The following CDH12 variants were observed in gnomAD, a reference collection of about 807,000 sequenced individuals.
The protein encoded by CDH12 is cadherin 12, also known as cadherin-12.
CDH12 carries 41 observed loss-of-function variants against 74.1 expected under a neutral mutation model. The ratio of observed to expected loss-of-function variants is 0.55; its 90% CI spans 0.43 to 0.72. The LOEUF (loss-of-function observed/expected upper bound fraction) is 0.72. CDH12 is among the 30% of genes least tolerant of loss of function. The pLI, the probability that CDH12 is intolerant of heterozygous loss-of-function variation, is 0.00. For synonymous variants in CDH12, 399 were observed against 355.0 expected, an observed-to-expected ratio of 1.12 and a Z score of -1.39; for missense variants, 945 against 977.2, an observed-to-expected ratio of 0.97 and a Z score of 0.44.
intron 1 of CDH12, among the ~76,000 whole-genome samples, chr5:22,788,253 G>A (rs1314834138): frequency 1.3e-5 from 2 of 152,012 alleles, no homozygotes; most frequent in Non-Finnish European, 2.9e-5. Flanking sequence ...ATTCTTAAAA[G>A]CAGTTGTTAC....
intron 1 of CDH12, among the ~76,000 whole-genome samples, chr5:22,601,557 C>T (rs1736855118): frequency 6.6e-6 from 1 of 151,994 alleles, no homozygotes; most frequent in African/African-American, 2.4e-5. Context: ...CATCACAGAG[C>T]TTCAGTAACC....
intron 4 of CDH12, chr5:22,152,327 T>G (rs1161166415): frequency 6.6e-6 from 1 of 152,192 alleles, no homozygotes; most frequent in African/African-American, 2.4e-5. Flanking sequence ...TGCTGAACAT[T>G]AGACATAATT....
At chr5:22,834,264 T>C (rs1736731851) in intron 1 of CDH12, among the ~76,000 whole-genome samples, 1 of 152,134 alleles carries the variant, frequency 6.6e-6, no homozygotes, top group Non-Finnish European at 1.5e-5. Flanking sequence ...GCCAGGATGC[T>C]GATTTTCAAA....
At chr5:22,652,572 C>T (rs1380758174) in intron 1 of CDH12, among the ~76,000 whole-genome samples, 3 of 152,006 alleles carry the variant, frequency 2.0e-5, no homozygotes, top group South Asian at 2.1e-4. Context: ...TGGCCTTAAC[C>T]CCTAAATGCA....
chr5:22,100,197 T>TA lies in CDH12; in HGVS notation c.-186-21336dup, dbSNP rs1193339019. Among the ~76,000 whole-genome samples, 6 of 152,248 alleles carry TA rather than the reference T, an allele frequency of 3.9e-5. No individual in the cohort carries two copies. In the South Asian group the frequency reaches 6.2e-4, roughly 16 times the overall value. On this transcript the variant is annotated intron_variant, in intron 4 of 14. Coordinates refer to ENST00000382254, the MANE Select transcript of CDH12 (RefSeq NM_004061.5). Reference sequence around the variant, plus strand: ...AAGAAAATATTGTGTCTGTTTCAGATAAAAAAATACTTACTTATTAACCAG... The same window carrying TA: ...AAGAAAATATTGTGTCTGTTTCAGATAAAAAAAATACTTACTTATTAACCAG...
intron 3 of CDH12, among the ~76,000 whole-genome samples, chr5:22,390,591 T>TAGATAGAC (rs1259051850): frequency 7.0e-6 from 1 of 142,650 alleles, no homozygotes; most frequent in South Asian, 2.5e-4. Context: ...GATAGATAGA[T>TAGATAGAC]AGATAGATAG....
intron 4 of CDH12, among the ~76,000 whole-genome samples, chr5:22,093,582 G>A (rs1743564028): frequency 6.6e-6 from 1 of 152,118 alleles, no homozygotes; most frequent in Non-Finnish European, 1.5e-5. Flanking sequence ...AAAGACAGAG[G>A]GGAAATTAAT....
intron 9 of CDH12, among the ~76,000 whole-genome samples, chr5:21,809,166 C>A (rs547886297): frequency 7.2e-5 from 11 of 151,880 alleles, no homozygotes; most frequent in African/African-American, 2.7e-4. Flanking sequence ...GCAAAATTTT[C>A]GTAGTTTTAA....
At chr5:22,660,204 C>T (rs536968883) in intron 1 of CDH12, among the ~76,000 whole-genome samples, 1 of 152,296 alleles carries the variant, frequency 6.6e-6, no homozygotes, top group Admixed American at 6.5e-5. Context: ...TATATGCAAA[C>T]ACACATATGC....
At chr5:22,796,180 C>T (rs1263962155) in intron 1 of CDH12, among the ~76,000 whole-genome samples, 8 of 151,970 alleles carry the variant, frequency 5.3e-5, no homozygotes, top group East Asian at 1.9e-4. Flanking sequence ...TTTCGAATAC[C>T]GATTTCATTT....
intron 6 of CDH12, among the ~76,000 whole-genome samples, chr5:21,892,488 T>C (rs1045190744): frequency 7.9e-5 from 12 of 152,294 alleles, no homozygotes; most frequent in African/African-American, 2.9e-4. Context: ...AGTTAGTTAC[T>C]TAGGCCAGAG....
intron 5 of CDH12, among the ~76,000 whole-genome samples, chr5:21,980,633 C>T (rs1715764954): frequency 6.6e-6 from 1 of 151,970 alleles, no homozygotes; most frequent in Admixed American, 6.6e-5. Context: ...AATGAACTTA[C>T]TCGTTTATTT....
At chr5:22,458,070 G>A (rs1745357276) in intron 2 of CDH12, among the ~76,000 whole-genome samples, 1 of 151,866 alleles carries the variant, frequency 6.6e-6, no homozygotes, top group African/African-American at 2.4e-5. Context: ...AGTAGAGATG[G>A]GGTTTCACCA....
intron 4 of CDH12, among the ~76,000 whole-genome samples, chr5:22,162,723 T>A (rs1748431910): frequency 6.6e-6 from 1 of 152,118 alleles, no homozygotes; most frequent in South Asian, 2.1e-4. Context: ...CTCCTCATCA[T>A]TTGCCCTTAG....
At chr5:21,901,883 T>G (rs1000176951) in intron 6 of CDH12, among the ~76,000 whole-genome samples, 3 of 150,628 alleles carry the variant, frequency 2.0e-5, no homozygotes, top group Non-Finnish European at 4.4e-5. Flanking sequence ...CAACTGTATA[T>G]AATTTGCTGT....
intron 4 of CDH12, among the ~76,000 whole-genome samples, chr5:22,190,245 A>C (rs1036789852): frequency 6.6e-6 from 1 of 152,094 alleles, no homozygotes; most frequent in Non-Finnish European, 1.5e-5. Context: ...AGAAAAAATA[A>C]ATATGACACT....
chr5:22,402,517 G>A (rs1048565629), intron 3 of CDH12, among the ~76,000 whole-genome samples: 4 of 152,168 alleles, frequency 2.6e-5, no homozygotes, highest in Non-Finnish European at 5.9e-5. Context: ...ATATAACTGA[G>A]AAAGTTTCAA....
At chr5:22,182,442 G>T (rs1165149646) in intron 4 of CDH12, among the ~76,000 whole-genome samples, 2 of 152,104 alleles carry the variant, frequency 1.3e-5, no homozygotes, top group Non-Finnish European at 2.9e-5. Flanking sequence ...ACCATTGTTT[G>T]TTCAGCACCT....
chr5:22,029,270 A>G (rs186761962), intron 5 of CDH12, among the ~76,000 whole-genome samples: 2,888 of 152,240 alleles, frequency 0.019, 97 homozygotes, highest in African/African-American at 0.066. Context: ...ATGGGATCTA[A>G]TTAAACTAAA....
Sources: gnomAD v4.1 joint callset for allele counts (sites outside exome capture counted in the v4.1 genomes callset) on GRCh38, gnomAD v4.1.1 for gene constraint, MANE v1.5 for transcripts, NCBI Gene and HGNC (gene_info 2026-07-23, HGNC 2026-07-21) for gene names.